Variants in BBS9 observed in about 807,000 individuals in gnomAD.
The protein encoded by BBS9 is Bardet-Biedl syndrome 9, also known as protein PTHB1.
In BBS9, 89 loss-of-function variants were observed where a neutral mutation model predicts 117.7. The ratio of observed to expected loss-of-function variants is 0.76; its 90% CI spans 0.64 to 0.90. The LOEUF (loss-of-function observed/expected upper bound fraction) is 0.90. BBS9 is among the 40% of genes least tolerant of loss of function. The pLI is 0.00. For synonymous variants in BBS9, 379 were observed against 370.9 expected (o/e 1.02, Z -0.25); for missense variants, 982 against 1,042.2 (o/e 0.94, Z 0.80).
downstream of BBS9, among the ~76,000 whole-genome samples, chr7:33,608,695 A>C (rs1390716318): frequency 6.6e-6 from 1 of 151,836 alleles, no homozygotes; most frequent in African/African-American, 2.4e-5. Flanking sequence ...GCACATTTTT[A>C]AATGGGATTA....
chr7:33,224,337 G>C (rs1292011671), intron 5 of BBS9, among the ~76,000 whole-genome samples: 2 of 152,172 alleles, frequency 1.3e-5, no homozygotes, highest in Non-Finnish European at 2.9e-5. Flanking sequence ...TTTGGACCTG[G>C]TGGATCTGAC....
chr7:33,527,419 C>A (rs1363821754), intron 20 of BBS9, among the ~76,000 whole-genome samples: 1 of 152,190 alleles, frequency 6.6e-6, no homozygotes, highest in Admixed American at 6.5e-5. Context: ...GCGTAGGACC[C>A]TCCGAGCCAG....
chr7:33,244,987 G>A (rs1207782878), intron 5 of BBS9, among the ~76,000 whole-genome samples: 1 of 152,122 alleles, frequency 6.6e-6, no homozygotes, highest in Non-Finnish European at 1.5e-5. Context: ...TTTGCCTGCT[G>A]ATAATAATCT....
chr7:33,570,647 AC>A (rs1857625130), intron 21 of BBS9, among the ~76,000 whole-genome samples: 1 of 152,280 alleles, frequency 6.6e-6, no homozygotes, highest in South Asian at 2.1e-4. Context: ...TTAAGGGAAA[AC>A]TGTTACTTTA....
At chr7:33,362,580 G>T (rs1380620768) in intron 16 of BBS9, among the ~76,000 whole-genome samples, 2 of 152,030 alleles carry the variant, frequency 1.3e-5, no homozygotes, top group African/African-American at 2.4e-5. Flanking sequence ...ATTTATGTGG[G>T]TGTATTTCTG....
At chr7:33,426,322 T>A (rs543258088) in intron 19 of BBS9, among the ~76,000 whole-genome samples, 1 of 152,308 alleles carries the variant, frequency 6.6e-6, no homozygotes, top group African/African-American at 2.4e-5. Flanking sequence ...ATCTCAATTA[T>A]TTTAAAGGGT....
chr7:33,450,055 C>T (rs1057183999), intron 19 of BBS9, among the ~76,000 whole-genome samples: 1 of 152,182 alleles, frequency 6.6e-6, no homozygotes, highest in Non-Finnish European at 1.5e-5. Flanking sequence ...CCCCTGACAA[C>T]CACCATTCTA....
At chr7:33,183,913 G>A (rs1235967318) in intron 5 of BBS9, among the ~76,000 whole-genome samples, 36 of 152,026 alleles carry the variant, frequency 2.4e-4, no homozygotes, top group Admixed American at 2.4e-3. Flanking sequence ...AAGCCCATGT[G>A]TCCTAAGCCC....
chr7:33,484,180 G>T (rs1419901), intron 19 of BBS9, among the ~76,000 whole-genome samples: 56,776 of 151,980 alleles, frequency 0.37, 13,308 homozygotes, highest in African/African-American at 0.67. Flanking sequence ...ATCAAATTCA[G>T]CAGAAGTTAT....
At position 33,388,153 on chromosome 7, in the gene BBS9, A is replaced by G. The variant is rs1297436906; in HGVS notation, c.2115+9A>G. On this transcript the variant is annotated intron_variant, in intron 19 of 22. Coordinates refer to ENST00000242067, the MANE Select transcript of BBS9 (RefSeq NM_198428.3). ...ATGGAACCTACAAGCAGGTCAGTAT[A>G]ATATCAGTAACAGTTTTCTATTACT... 2.5e-6 allele frequency: 4 copies of G among 1,613,864 alleles called. No individual in the cohort carries two copies. The highest frequency in any genetic ancestry group is 2.2e-5 in the South Asian group (2 of 91,082).
chr7:33,618,806 T>C (rs913239126), intron 21 of BBS9, among the ~76,000 whole-genome samples: 7 of 152,074 alleles, frequency 4.6e-5, no homozygotes, highest in African/African-American at 1.2e-4. Context: ...TATGAGATGT[T>C]TTACATAAGC....
intron 19 of BBS9, among the ~76,000 whole-genome samples, chr7:33,430,658 A>G (rs920647449): frequency 1.3e-5 from 2 of 152,230 alleles, no homozygotes; most frequent in African/African-American, 2.4e-5. Flanking sequence ...TCTTTCCTCT[A>G]TCAATCTCAT....
intron 21 of BBS9, among the ~76,000 whole-genome samples, chr7:33,632,938 C>T (rs1460955794): frequency 2.0e-5 from 3 of 152,134 alleles, no homozygotes; most frequent in African/African-American, 7.2e-5. Flanking sequence ...GGAAGAATTT[C>T]TTTGGTTTGT....
chr7:33,251,499 A>G (rs751727303), intron 5 of BBS9, among the ~76,000 whole-genome samples: 1 of 152,156 alleles, frequency 6.6e-6, no homozygotes, highest in African/African-American at 2.4e-5. Context: ...GGAAGCTAGC[A>G]AATGTTTGCT....
At chr7:33,192,789 A>C (rs566224077) in intron 5 of BBS9, among the ~76,000 whole-genome samples, 1 of 152,320 alleles carries the variant, frequency 6.6e-6, no homozygotes, top group South Asian at 2.1e-4. Flanking sequence ...TTCCTCATAG[A>C]TGGCACCACC....
chr7:33,420,447 T>G (rs993934831), intron 19 of BBS9, among the ~76,000 whole-genome samples: 7 of 152,272 alleles, frequency 4.6e-5, no homozygotes, highest in Admixed American at 2.0e-4. Flanking sequence ...CTGGGTTTGC[T>G]GCCTGACCAG....
At chr7:33,296,326 A>T (rs1386554377) in intron 9 of BBS9, among the ~76,000 whole-genome samples, 1 of 152,154 alleles carries the variant, frequency 6.6e-6, no homozygotes, top group Non-Finnish European at 1.5e-5. Context: ...AAACAATTAG[A>T]ATTTAATTTA....
intron 5 of BBS9, among the ~76,000 whole-genome samples, chr7:33,181,849 C>T (rs556531468): frequency 9.9e-5 from 15 of 152,242 alleles, no homozygotes; most frequent in East Asian, 9.7e-4. Context: ...TTTGGGAGGC[C>T]GAGGCAGGCG....
intron 21 of BBS9, among the ~76,000 whole-genome samples, chr7:33,553,824 A>G (rs1854845767): frequency 6.6e-6 from 1 of 152,166 alleles, no homozygotes; most frequent in Non-Finnish European, 1.5e-5. Flanking sequence ...TATGATGACT[A>G]ACAAGAGAGA....
Sources: allele counts gnomAD v4.1 joint callset (sites outside exome capture counted in the v4.1 genomes callset), GRCh38; gene constraint gnomAD v4.1.1; transcripts MANE v1.5; gene names NCBI Gene and HGNC (gene_info 2026-07-23, HGNC 2026-07-21).